OCA2: variants seen among roughly 807,000 people sequenced by gnomAD.
OCA2 encodes the protein P protein.
A neutral mutation model predicts 100.2 loss-of-function variants in OCA2; 77 were observed. That is an observed-to-expected ratio of 0.77 (90% CI 0.64 to 0.93). The LOEUF (loss-of-function observed/expected upper bound fraction) is 0.93. Among genes scored for constraint, OCA2 ranks in the 40% least tolerant of loss-of-function variants. The pLI is 0.00. For missense variants in OCA2, 1,062 were observed against 1,089.1 expected, an observed-to-expected ratio of 0.98 and a Z score of 0.35; for synonymous variants, 432 against 439.2, an observed-to-expected ratio of 0.98 and a Z score of 0.21.
At chr15:27,789,197 C>CT (rs890773485) in intron 23 of OCA2, among the ~76,000 whole-genome samples, 11 of 96,490 alleles carry the variant, frequency 1.1e-4, no homozygotes, top group Admixed American at 8.5e-4. Flanking sequence ...TTCCAGTGCT[C>CT]TTTTTTTTTC....
chr15:27,924,814 C>T (rs181627612), intron 19 of OCA2, among the ~76,000 whole-genome samples: 6 of 152,090 alleles, frequency 3.9e-5, no homozygotes, highest in East Asian at 1.9e-4. Flanking sequence ...TGAAGCCAAG[C>T]GTATGAATAA....
At chr15:27,953,415 G>C (rs1394220992) in intron 17 of OCA2, among the ~76,000 whole-genome samples, 3 of 152,134 alleles carry the variant, frequency 2.0e-5, no homozygotes, top group African/African-American at 7.2e-5. Flanking sequence ...CATCTTCCCT[G>C]TCGCCTCTCT....
At chr15:27,856,299 T>C (rs1457733364) in intron 21 of OCA2, among the ~76,000 whole-genome samples, 1 of 152,166 alleles carries the variant, frequency 6.6e-6, no homozygotes, top group Non-Finnish European at 1.5e-5. Flanking sequence ...GACCTCAGTA[T>C]ATGTTTTGGG....
intron 19 of OCA2, among the ~76,000 whole-genome samples, chr15:27,888,294 G>C (rs1283812664): frequency 6.6e-6 from 1 of 152,214 alleles, no homozygotes; most frequent in Non-Finnish European, 1.5e-5. Context: ...TCTATAACCT[G>C]TGTGCTAAAC....
At chr15:27,985,407 C>T (rs182658649) in intron 12 of OCA2, among the ~76,000 whole-genome samples, 4 of 152,218 alleles carry the variant, frequency 2.6e-5, no homozygotes, top group Admixed American at 2.6e-4. Context: ...ACTGTCACCC[C>T]TCTGATCCTC....
At chr15:27,852,801 AG>A (rs1466868256) in intron 21 of OCA2, among the ~76,000 whole-genome samples, 3 of 116,090 alleles carry the variant, frequency 2.6e-5, no homozygotes, top group African/African-American at 5.9e-5. Flanking sequence ...ACATTTATGC[AG>A]CCAAAAAACA....
intron 19 of OCA2, among the ~76,000 whole-genome samples, chr15:27,911,476 T>C (rs1366220497): frequency 6.6e-6 from 1 of 152,132 alleles, no homozygotes; most frequent in Non-Finnish European, 1.5e-5. Flanking sequence ...TTCTGCAGGC[T>C]GTAGAACAAG....
chr15:27,820,557 A>G (rs1463052990), intron 23 of OCA2, among the ~76,000 whole-genome samples: 2 of 152,190 alleles, frequency 1.3e-5, no homozygotes, highest in Non-Finnish European at 2.9e-5. Flanking sequence ...ACAAGGAAAG[A>G]CTGAGAAACT....
chr15:27,752,600 GT>G (rs1451847895), downstream of OCA2, among the ~76,000 whole-genome samples: 1 of 152,110 alleles, frequency 6.6e-6, no homozygotes, highest in African/African-American at 2.4e-5. Flanking sequence ...AGTGCTTCCT[GT>G]CCCCTGGCTT....
rs955811724 is a variant in OCA2, at chr15:27,888,582, T to C, written c.2080-16660A>G. The stretch of plus-strand genomic sequence containing the variant: ...GGAACAAGTGAAAAATGAAAAACTA[T>C]GGGAAGAAACAAAAGATATAGAAAA... On this transcript the variant is annotated intron_variant, in intron 19 of 23. Coordinates refer to ENST00000354638, the MANE Select transcript of OCA2 (RefSeq NM_000275.3). Among the ~76,000 whole-genome samples the C allele has an allele frequency of 5.9e-5, 9 of 151,924 alleles. No individual in the cohort carries two copies. In the East Asian group the frequency reaches 1.3e-3, roughly 23 times the overall value.
chr15:27,752,476 G>A (rs1346077938), downstream of OCA2, among the ~76,000 whole-genome samples: 1 of 152,160 alleles, frequency 6.6e-6, no homozygotes, highest in Non-Finnish European at 1.5e-5. Flanking sequence ...CACTTTTAGT[G>A]TCTCCTTTCT....
intron 19 of OCA2, among the ~76,000 whole-genome samples, chr15:27,900,634 C>T (rs2037891406): frequency 6.6e-6 from 1 of 152,212 alleles, no homozygotes; most frequent in South Asian, 2.1e-4. Flanking sequence ...CCTCCCTGGC[C>T]ATGTGAAGCT....
chr15:27,856,585 C>T (rs892862588), intron 21 of OCA2, among the ~76,000 whole-genome samples: 2 of 152,092 alleles, frequency 1.3e-5, no homozygotes, highest in Admixed American at 6.5e-5. Flanking sequence ...GTTTTGATCA[C>T]TGAGGGGCCA....
chr15:27,818,297 G>A (rs1013324366), intron 23 of OCA2, among the ~76,000 whole-genome samples: 4 of 152,202 alleles, frequency 2.6e-5, no homozygotes, highest in Admixed American at 1.3e-4. Context: ...GCTGAGGCAG[G>A]AGAATCGCTT....
At chr15:28,089,561 C>A (rs957846509) in intron 1 of OCA2, among the ~76,000 whole-genome samples, 2 of 152,140 alleles carry the variant, frequency 1.3e-5, no homozygotes, top group African/African-American at 4.8e-5. Flanking sequence ...AACAACAAAT[C>A]AAAATGGAAT....
chr15:28,082,168 CCAATCAG>C (rs1595927983), intron 1 of OCA2, among the ~76,000 whole-genome samples: 2 of 152,096 alleles, frequency 1.3e-5, no homozygotes, highest in African/African-American at 4.8e-5. Flanking sequence ...TGTAAATGCA[CCAATCAG>C]CAATCTATAA....
chr15:28,018,698 A>C, intron 6 of OCA2, 141 bp from the exon 7 acceptor site: 1 of 759,738 alleles, frequency 1.3e-6, no homozygotes, highest in Admixed American at 2.0e-5. Context: ...CATTAACACG[A>C]TCTTCCTGCC....
At chr15:27,724,117 T>A in the OCA2 span, among the ~76,000 whole-genome samples, 1 of 152,158 alleles carries the variant, frequency 6.6e-6, no homozygotes, top group Admixed American at 6.5e-5. Context: ...TCTAGAGGGC[T>A]CTATCTGCCT....
At chr15:27,896,520 G>C in intron 19 of OCA2, 1 of 494,360 alleles carries the variant, frequency 2.0e-6, no homozygotes, top group South Asian at 2.2e-5. Flanking sequence ...TCAAAAGAAA[G>C]ATTGAGTAGC....
Sources: gnomAD v4.1 joint callset for allele counts (sites outside exome capture counted in the v4.1 genomes callset) on GRCh38, gnomAD v4.1.1 for gene constraint, MANE v1.5 for transcripts, NCBI Gene and HGNC (gene_info 2026-07-23, HGNC 2026-07-21) for gene names.